SRRM3: variants seen among roughly 807,000 people sequenced by gnomAD.
SRRM3 encodes serine/arginine repetitive matrix protein 3.
Under a neutral mutation model 66.2 loss-of-function variants are expected in SRRM3, and 27 were observed. The observed-to-expected ratio is 0.41, with a 90% confidence interval of 0.30 to 0.56. The LOEUF (loss-of-function observed/expected upper bound fraction) is 0.56, where lower values mean the gene tolerates loss of function less well. Among genes scored for constraint, SRRM3 ranks in the 20% least tolerant of loss-of-function variants. The probability of loss-of-function intolerance (pLI) is 0.32; values close to 1 mark genes in which losing one functional copy is unlikely to be tolerated. For missense variants in SRRM3, 918 were observed against 991.9 expected (o/e 0.93, Z 1.00); for synonymous variants, 391 against 414.9 (o/e 0.94, Z 0.70).
intron 2 of SRRM3, among the ~76,000 whole-genome samples, chr7:76,244,851 C>T (rs1161270575): frequency 6.6e-6 from 1 of 152,246 alleles, no homozygotes; most frequent in African/African-American, 2.4e-5. Context: ...TCAAACTCTC[C>T]ATGCCTCTCT....
At chr7:76,233,386 G>A (rs1801058957) in intron 1 of SRRM3, among the ~76,000 whole-genome samples, 1 of 152,172 alleles carries the variant, frequency 6.6e-6, no homozygotes, top group Non-Finnish European at 1.5e-5. Flanking sequence ...CAGGTCAATA[G>A]GGGTCTCCAA....
In SRRM3 at chr7:76,280,764, C is replaced by T. The variant is rs1419320870; in HGVS notation, c.1009-677C>T. Among the ~76,000 whole-genome samples the T allele has an allele frequency of 4.3e-5, 6 of 139,670 alleles. 1 individual carries two copies. In the East Asian group the frequency reaches 1.5e-3, roughly 36 times the overall value. 91.6% of individuals were successfully genotyped at this position (139,670 alleles called of 152,430 possible). A position where few individuals can be genotyped will look rare whatever the true frequency, so the allele number is the denominator to read the frequency against. On this transcript the variant is annotated intron_variant, in intron 11 of 14. Transcript: ENST00000611745. Reference sequence around the variant, plus strand: ...AAAGCCCTCTCTCCTTCTCTCCCCCCACCCCACCCGCCCGCTCTCTCACCC... The same window carrying T: ...AAAGCCCTCTCTCCTTCTCTCCCCCTACCCCACCCGCCCGCTCTCTCACCC...
intron 12 of SRRM3, 35 bp downstream of exon 12, chr7:76,281,837 C>A (rs1554611959): frequency 1.6e-6 from 2 of 1,227,964 alleles, no homozygotes; most frequent in East Asian, 4.0e-5. Flanking sequence ...GACTCCCGCC[C>A]CCACCCCGCA....
chr7:76,217,033 TCTC>T (rs541689720), intron 1 of SRRM3, among the ~76,000 whole-genome samples: 4 of 152,272 alleles, frequency 2.6e-5, no homozygotes, highest in East Asian at 3.9e-4. Context: ...GCCTGTGGCT[TCTC>T]CTGTCACCCT....
At chr7:76,203,040 G>A (rs895779682) in intron 1 of SRRM3, among the ~76,000 whole-genome samples, 7 of 152,184 alleles carry the variant, frequency 4.6e-5, no homozygotes, top group Non-Finnish European at 1.0e-4. Context: ...CAAGAGAAAA[G>A]GCAGGTGCTG....
In SRRM3 at chr7:76,264,947, G is replaced by C. The variant is rs553967596; in HGVS notation, c.725+132G>C. ...GCCCAGATGGAAAAATTAAGATCTA[G>C]AAAGAAAGCCAAGGGCTCTTGCTGA... On this transcript the variant is annotated intron_variant, in intron 9 of 14. Transcript: ENST00000611745. 1.1e-3 allele frequency: 1,103 copies of C among 1,045,710 alleles called. 6 individuals are homozygous for C. Among genetic ancestry groups the C allele is most frequent in the African/African-American group, 4.1e-3 (256 of 61,882 alleles). The allele number at this position is 1,045,710 out of a possible 1,614,324, so 64.8% of individuals were successfully genotyped here.
intron 8 of SRRM3, among the ~76,000 whole-genome samples, chr7:76,262,908 T>C (rs1801918819): frequency 6.6e-6 from 1 of 152,058 alleles, no homozygotes; most frequent in Admixed American, 6.6e-5. Context: ...AAGGAAGTTG[T>C]GGGGCAGTCA....
At chr7:76,267,589 C>T (rs1802105780) in intron 11 of SRRM3, 154 bp downstream of exon 11, 7 of 661,178 alleles carry the variant, frequency 1.1e-5, no homozygotes, top group Non-Finnish European at 1.5e-5. Context: ...CGCTGGGCGT[C>T]CTGGCTCGGG....
chr7:76,284,247 T>C (rs971129918), intron 14 of SRRM3, among the ~76,000 whole-genome samples: 2 of 150,874 alleles, frequency 1.3e-5, no homozygotes, highest in Non-Finnish European at 2.9e-5. Context: ...CAATCTCGGC[T>C]CACTGCAACC....
In SRRM3 at chr7:76,221,359, C is replaced by CTTTTTTTT. The variant is rs781915041; in HGVS notation, c.-39-13655_-39-13648dup. On this transcript the variant is annotated intron_variant, in intron 1 of 14. Coordinates refer to ENST00000611745, the MANE Select transcript of SRRM3 (RefSeq NM_001110199.3). ...TTTGAGCCACTGGGCCTGCCCTCCT[C>CTTTTTTTT]TTTTTTTTTTTTTTTTTTTTTGAGA... Among the ~76,000 whole-genome samples the CTTTTTTTT allele has an allele frequency of 1.5e-3, 141 of 95,352 alleles. 22 individuals are homozygous for CTTTTTTTT. Among genetic ancestry groups the CTTTTTTTT allele is most frequent in the African/African-American group, 6.4e-3 (117 of 18,250 alleles). The allele number at this position is 95,352 out of a possible 152,430, so 62.6% of individuals were successfully genotyped here.
chr7:76,281,969 T>C, intron 12 of SRRM3, among the ~76,000 whole-genome samples, 167 bp downstream of exon 12: 1 of 48,276 alleles, frequency 2.1e-5, no homozygotes, highest in Non-Finnish European at 3.8e-5. Context: ...CCCCATGAGC[T>C]ACCCCCCACG....
intron 3 of SRRM3, among the ~76,000 whole-genome samples, chr7:76,259,191 G>C (rs1280525961): frequency 6.6e-6 from 1 of 151,888 alleles, no homozygotes; most frequent in Non-Finnish European, 1.5e-5. Context: ...GGGATCAAAT[G>C]GGGGGTTCAC....
At chr7:76,206,646 G>A (rs186757537) in intron 1 of SRRM3, among the ~76,000 whole-genome samples, 9 of 152,310 alleles carry the variant, frequency 5.9e-5, no homozygotes, top group South Asian at 2.1e-4. Flanking sequence ...TGGGTGAGCC[G>A]GGTTCAGGCT....
rs1554612122 is a variant in SRRM3, at chr7:76,282,662, C to T, written c.1385C>T (p.Pro462Leu). ...GGHGKRAKER[P>L]PRARPASTSP... Reference sequence around the variant, plus strand: ...CCCTCCTCCAGGGCCAAGGAGCGGCCCCCGCGCGCGCGGCCCGCCAGCACC... The same window carrying T: ...CCCTCCTCCAGGGCCAAGGAGCGGCTCCCGCGCGCGCGGCCCGCCAGCACC... Residue 462 changes from proline to leucine, a missense_variant, in exon 13 of 15, where the codon CCC (proline) becomes CTC (leucine). By Grantham distance (98) the Pro-to-Leu change is moderately conservative (BLOSUM62 -3). Coordinates refer to ENST00000611745, the MANE Select transcript of SRRM3 (RefSeq NM_001110199.3). The T allele has an allele frequency of 7.1e-7, 1 of 1,407,836 alleles. No homozygotes were observed. Among genetic ancestry groups the T allele is most frequent in the Admixed American group, 3.0e-5 (1 of 33,072 alleles). The allele number at this position is 1,407,836 out of a possible 1,614,324, so 87.2% of individuals were successfully genotyped here.
rs1311881112 is a variant in SRRM3 at position 76,260,301 on chromosome 7, CCT to C, written c.545+109_545+110del. The stretch of plus-strand genomic sequence containing the variant: ...CCATGCAGCATTTGTGAGCCCCGCC[CCT>C]CTCTGAGCCCCTCCCTCGCCCTCCC... On this transcript the variant is annotated intron_variant, in intron 5 of 14. Transcript: ENST00000611745. The C allele has an allele frequency of 5.8e-6, 5 of 860,386 alleles. No individual in the cohort carries two copies. In the Admixed American group the frequency reaches 1.9e-4, roughly 32 times the overall value. 53.3% of individuals were successfully genotyped at this position (860,386 alleles called of 1,614,324 possible). A position where few individuals can be genotyped will look rare whatever the true frequency, so the allele number is the denominator to read the frequency against.
At chr7:76,220,250 G>T (rs1554603034) in intron 1 of SRRM3, among the ~76,000 whole-genome samples, 1 of 152,178 alleles carries the variant, frequency 6.6e-6, no homozygotes, top group African/African-American at 2.4e-5. Context: ...ATGCTAGATT[G>T]CGAGTAGTAG....
chr7:76,234,148 A>C (rs1801081674), intron 1 of SRRM3, among the ~76,000 whole-genome samples: 1 of 150,226 alleles, frequency 6.7e-6, no homozygotes, highest in African/African-American at 2.4e-5. Flanking sequence ...AGGAAATGGA[A>C]ATAGCTCAAG....
At chr7:76,239,007 G>A (rs1418795604) in intron 2 of SRRM3, among the ~76,000 whole-genome samples, 1 of 151,962 alleles carries the variant, frequency 6.6e-6, no homozygotes, top group East Asian at 1.9e-4. Flanking sequence ...ACAGAGCACA[G>A]CTCCATCCCT....
chr7:76,217,641 A>C (rs1364365067), intron 1 of SRRM3, among the ~76,000 whole-genome samples: 5 of 152,128 alleles, frequency 3.3e-5, no homozygotes, highest in African/African-American at 1.2e-4. Flanking sequence ...GACCAACCTA[A>C]TGTCAGAGCC....
Sources: gnomAD v4.1 joint callset for allele counts (sites outside exome capture counted in the v4.1 genomes callset) on GRCh38, gnomAD v4.1.1 for gene constraint, MANE v1.5 for transcripts, NCBI Gene and HGNC (gene_info 2026-07-23, HGNC 2026-07-21) for gene names.